Variants in RRBP1 observed in about 807,000 individuals in gnomAD.
The protein encoded by RRBP1 is ribosome binding protein 1.
In RRBP1, 94 loss-of-function variants were observed where a neutral mutation model predicts 165.2. That is an observed-to-expected ratio of 0.57 (90% CI 0.48 to 0.68). The LOEUF is 0.68. Ranked by LOEUF, RRBP1 falls within the 30% of genes least tolerant of loss-of-function variation. The probability of loss-of-function intolerance (pLI) is 0.00; values close to 1 mark genes in which losing one functional copy is unlikely to be tolerated. For missense variants in RRBP1, 1,676 were observed against 1,763.0 expected (o/e 0.95, Z 0.88); for synonymous variants, 680 against 714.5 (o/e 0.95, Z 0.77).
chr20:17,626,326 C>A (rs1371294809), intron 11 of RRBP1, among the ~76,000 whole-genome samples: 1 of 152,182 alleles, frequency 6.6e-6, no homozygotes, highest in Non-Finnish European at 1.5e-5. Context: ...CCAACAAACA[C>A]CACCAGGAGA....
intron 5 of RRBP1, chr20:17,641,426 C>T: frequency 4.0e-6 from 1 of 248,700 alleles, no homozygotes; most frequent in South Asian, 6.3e-5. Context: ...TGTGGCCACC[C>T]TCCTTTCCAG....
At chr20:17,629,343 C>G (rs7344777) in intron 9 of RRBP1, among the ~76,000 whole-genome samples, 151,143 of 152,344 alleles carry the variant, frequency 0.99, 74,984 homozygotes, top group Middle Eastern at 1. Flanking sequence ...TGATCGACTG[C>G]AGCAAGGGAA....
At chr20:17,645,113 T>C (rs1375372646) in intron 3 of RRBP1, among the ~76,000 whole-genome samples, 1 of 152,192 alleles carries the variant, frequency 6.6e-6, no homozygotes, top group Non-Finnish European at 1.5e-5. Flanking sequence ...TGGCCTCTCT[T>C]GAACTCTCTC....
chr20:17,614,844 G>T lies in RRBP1; in HGVS notation c.4087C>A (p.Leu1363Met), dbSNP rs1282440192. 1 of 1,613,824 alleles carries T rather than the reference G, an allele frequency of 6.2e-7. No individual in the cohort carries two copies. The change falls in exon 24 of 25, where the codon CTG (leucine) becomes ATG (methionine). Residue 1363 changes from leucine (L) to methionine (M), a missense_variant. Leu to Met is a conservative substitution (Grantham distance 15). Transcript: ENST00000377813. ...TGCAGTCTCGTGGCGGCGCGCCCCAGGTCACTTGTTAACTTCTTCTCTTTT... is the reference window on the plus strand; with the variant it reads ...TGCAGTCTCGTGGCGGCGCGCCCCATGTCACTTGTTAACTTCTTCTCTTTT... Reference protein sequence around the residue: ...LEKEKKLTSDLGRAATRLQEL... With the variant: ...LEKEKKLTSDMGRAATRLQEL...
At chr20:17,638,428 G>C (rs2036286610) in intron 5 of RRBP1, among the ~76,000 whole-genome samples, 1 of 152,138 alleles carries the variant, frequency 6.6e-6, no homozygotes. Flanking sequence ...CCCAGCCCTG[G>C]GCAGGCCTCG....
At chr20:17,664,014 C>A (rs376724709) in intron 2 of RRBP1, among the ~76,000 whole-genome samples, 1 of 152,300 alleles carries the variant, frequency 6.6e-6, no homozygotes, top group South Asian at 2.1e-4. Flanking sequence ...ATACTGAATC[C>A]TATATACACT....
At position 17,633,487 on chromosome 20, in the gene RRBP1, G is replaced by A. The variant is rs1341820641; in HGVS notation, c.2583C>T (p.Ala861=). ...GCAGCTGCAGGACCTGCTTCTCGAA[G>A]GCAGCTGCCTTGGCTTCCAGAGCTT... is the stretch of plus-strand genomic sequence containing the variant. ...QRKALEAKAA[A]FEKQVLQLQA... Residue 861 remains alanine, a synonymous_variant, in exon 8 of 25, where the codon GCC becomes GCT. Transcript: ENST00000377813. 3.1e-6 allele frequency: 5 copies of A among 1,613,888 alleles called. No individual in the cohort carries two copies. In the South Asian group the frequency reaches 5.5e-5, roughly 18 times the overall value.
intron 23 of RRBP1, 131 bp downstream of exon 23, chr20:17,615,300 G>A: frequency 2.9e-6 from 2 of 683,440 alleles, no homozygotes; most frequent in Non-Finnish European, 2.4e-6. Flanking sequence ...GTAGTGACAA[G>A]GGGAACCAGT....
intron 2 of RRBP1, among the ~76,000 whole-genome samples, chr20:17,672,186 T>C (rs1341766294): frequency 1.3e-5 from 2 of 152,246 alleles, no homozygotes; most frequent in South Asian, 2.1e-4. Flanking sequence ...TGAGGTCTGA[T>C]ACCCAACTAT....
intron 2 of RRBP1, among the ~76,000 whole-genome samples, chr20:17,667,527 T>G (rs560794732): frequency 2.0e-5 from 3 of 152,328 alleles, no homozygotes; most frequent in Non-Finnish European, 4.4e-5. Context: ...GGCTTCATCC[T>G]ACAAGCTGTG....
chr20:17,628,415 G>A (rs1376876436), intron 9 of RRBP1, among the ~76,000 whole-genome samples: 8 of 152,164 alleles, frequency 5.3e-5, no homozygotes, highest in East Asian at 1.9e-4. Flanking sequence ...GCACCTCTGC[G>A]GCCACCTGGG....
Position 17,614,762 on chromosome 20 carries a change from T to C in RRBP1, c.4169A>G (p.Lys1390Arg). ...TGCCTTTTCCAGCTGTTCCTGCAGC[T>C]TCTTCACCGTGTCCTTCTCCCTTGC... ...QLAREKDTVK[K>R]LQEQLEKAED... The change falls in exon 24 of 25, where the codon AAG (lysine) becomes AGG (arginine). Residue 1390 changes from lysine to arginine, a missense_variant. This residue lies in a region of RRBP1 where 1,184 missense variants were observed against 1,167.1 expected (regional missense o/e 1.01). Transcript: ENST00000377813. 1.2e-6 allele frequency: 2 copies of C among 1,613,220 alleles called. No individual in the cohort carries two copies. Among genetic ancestry groups the C allele is most frequent in the Non-Finnish European group, 8.5e-7 (1 of 1,180,012 alleles).
At chr20:17,622,772 G>C (rs1379129493) in intron 13 of RRBP1, 2 of 152,296 alleles carry the variant, frequency 1.3e-5, no homozygotes, top group African/African-American at 2.4e-5. Context: ...GGCTGCTGGG[G>C]TAACAGCCTG....
chr20:17,673,065 G>C (rs2037008713), intron 2 of RRBP1, among the ~76,000 whole-genome samples: 1 of 152,188 alleles, frequency 6.6e-6, no homozygotes, highest in African/African-American at 2.4e-5. Context: ...GGCATGTTTA[G>C]CTTGTGGATA....
rs745677360 is a variant in RRBP1 at position 17,641,983 on chromosome 20, C to T, written c.2062-64G>A. The stretch of plus-strand genomic sequence containing the variant: ...TGGGACTTGGCTCATCCCCTGACCC[C>T]GGACAAGAGCAGAGGCCTGAGGGCT... On this transcript the variant is annotated intron_variant, in intron 4 of 24. Transcript: ENST00000377813. 4.6e-5 allele frequency: 72 copies of T among 1,552,796 alleles called. 1 individual carries two copies. The East Asian group carries it at 1.3e-3, about 27-fold the overall frequency.
chr20:17,628,103 C>G (rs1390352683), intron 9 of RRBP1, among the ~76,000 whole-genome samples: 2 of 152,028 alleles, frequency 1.3e-5, no homozygotes, highest in African/African-American at 4.8e-5. Context: ...CCCCCAAGAC[C>G]TCTTCACAGT....
At chr20:17,626,744 C>G (rs979160449) in intron 11 of RRBP1, among the ~76,000 whole-genome samples, 1 of 116,260 alleles carries the variant, frequency 8.6e-6, no homozygotes, top group African/African-American at 2.5e-5. Flanking sequence ...CTGACTCGAG[C>G]CACCCCACCC....
intron 2 of RRBP1, among the ~76,000 whole-genome samples, chr20:17,663,177 G>C (rs2036800391): frequency 1.3e-5 from 2 of 152,214 alleles, no homozygotes; most frequent in South Asian, 2.1e-4. Context: ...ACTGGTTGCA[G>C]ACCGTGACAC....
At chr20:17,681,076 G>A (rs752506979) in intron 1 of RRBP1, among the ~76,000 whole-genome samples, 41 of 151,918 alleles carry the variant, frequency 2.7e-4, no homozygotes, top group Non-Finnish European at 4.1e-4. Flanking sequence ...CCCTAATCAG[G>A]GCGCAGCGGG....
Sources: gnomAD v4.1 joint callset for allele counts (sites outside exome capture counted in the v4.1 genomes callset) on GRCh38, gnomAD v4.1.1 for gene constraint, gnomAD v4.1.1 regional missense constraint, MANE v1.5 for transcripts, NCBI Gene and HGNC (gene_info 2026-07-23, HGNC 2026-07-21) for gene names.